Variants in ACACB observed in about 807,000 individuals in gnomAD.
ACACB encodes acetyl-CoA carboxylase beta.
Under a neutral mutation model 278.8 loss-of-function variants are expected in ACACB, and 209 were observed. The observed-to-expected ratio is 0.75, with a 90% CI of 0.67 to 0.84. The LOEUF is 0.84. Ranked by LOEUF, ACACB falls within the 40% of genes least tolerant of loss-of-function variation. ACACB has a pLI of 0.00. For synonymous variants in ACACB, 1,174 were observed against 1,285.6 expected, an observed-to-expected ratio of 0.91 and a Z score of 1.86; for missense variants, 2,850 against 3,269.0, an observed-to-expected ratio of 0.87 and a Z score of 3.13.
At chr12:109,228,328 TC>T (rs1455622649) in intron 28 of ACACB, among the ~76,000 whole-genome samples, 4 of 141,388 alleles carry the variant, frequency 2.8e-5, no homozygotes, top group African/African-American at 8.0e-5. Flanking sequence ...AGAGCAAGAG[TC>T]CATCTCAAAA....
At chr12:109,119,776 T>C (rs2042496826) in intron 1 of ACACB, among the ~76,000 whole-genome samples, 1 of 151,382 alleles carries the variant, frequency 6.6e-6, no homozygotes, top group Non-Finnish European at 1.5e-5. Context: ...GCGCCTGTAA[T>C]CCCAGCTACC....
In ACACB at chr12:109,222,898, C is replaced by T. The variant is rs1229048378; in HGVS notation, c.3778C>T (p.Pro1260Ser). Residue 1260 changes from proline (P) to serine (S), a missense_variant, in exon 26 of 53, where the codon CCC becomes TCC. By Grantham distance (74) the Pro-to-Ser change is moderately conservative. Transcript: ENST00000338432. ...AIDMYGHQFCPENLKKLILSE... is the reference protein window; with the variant it reads ...AIDMYGHQFCSENLKKLILSE... Reference sequence around the variant, plus strand: ...TGACATGTACGGCCACCAGTTCTGCCCCGAGAACCTCAAGGTGAGCCCGTC... The same window carrying T: ...TGACATGTACGGCCACCAGTTCTGCTCCGAGAACCTCAAGGTGAGCCCGTC... 2 of 1,610,602 alleles carry T rather than the reference C, an allele frequency of 1.2e-6. No individual in the cohort carries two copies. The highest frequency in any genetic ancestry group is 1.7e-6 in the Non-Finnish European group (2 of 1,178,348).
chr12:109,194,183 T>TG (rs1555218077), intron 16 of ACACB, among the ~76,000 whole-genome samples: 4 of 139,808 alleles, frequency 2.9e-5, no homozygotes, highest in Non-Finnish European at 4.5e-5. Context: ...GTCTCTGTTT[T>TG]TTTTTTTTGT....
rs763021681 is a variant in ACACB, at chr12:109,264,243, C to CGAGA, written c.6799_6800insGAGA (p.Leu2267ArgfsTer37). ...CTGCTCACCTGCAGGGGAACCTGAT[C>CGAGA]TCTCCGACAAGGACCGAAAGGACCT... On this transcript the variant is annotated frameshift_variant, in exon 50 of 53. Coordinates refer to ENST00000338432, the MANE Select transcript of ACACB (RefSeq NM_001093.4). LOFTEE classifies it high-confidence loss of function. 3.1e-6 allele frequency: 5 copies of CGAGA among 1,613,988 alleles called. 1 individual carries two copies. The South Asian group carries it at 5.5e-5, about 18-fold the overall frequency.
intron 49 of ACACB, 42 bp downstream of exon 49, chr12:109,262,511 AGGCCCAGCT>A: frequency 7.1e-7 from 1 of 1,404,904 alleles, no homozygotes; most frequent in Non-Finnish European, 1.0e-6. Flanking sequence ...AGGTCAAGAG[AGGCCCAGCT>A]GGCCCACTGC....
Position 109,237,200 on chromosome 12 carries a change from T to G in ACACB, c.4482T>G (p.Pro1494=). 6.2e-7 allele frequency: 1 copy of G among 1,614,188 alleles called. No homozygotes were observed. The highest frequency in any genetic ancestry group is 8.5e-7 in the Non-Finnish European group (1 of 1,180,042). ...ATCGCATTTACCGTCACTTGGAACC[T>G]GCCCTGGCCTTCCAGCTGGAACTTA... ...AEDRIYRHLE[P]ALAFQLELNR... The change falls in exon 34 of 53, where the codon CCT becomes CCG. Residue 1494 remains proline (P), a synonymous_variant. Transcript: ENST00000338432.
rs767201686 is a variant in ACACB at position 109,227,235 on chromosome 12, C to T, written c.3883-136C>T. 157 of 758,956 alleles carry T rather than the reference C, an allele frequency of 2.1e-4. 1 individual carries two copies. The highest frequency in any genetic ancestry group is 3.2e-4 in the Non-Finnish European group (151 of 468,084). The allele number at this position is 758,956 out of a possible 1,614,324, so 47.0% of individuals were successfully genotyped here. On this transcript the variant is annotated intron_variant, in intron 27 of 52. Transcript: ENST00000338432. ...CAAAATGCTGGATTGCAGGCCTGAG[C>T]CACTGCACCCGGCCTGCTTACAGAT...
At position 109,176,220 on chromosome 12, in the gene ACACB, G is replaced by A. The variant is rs146160862; in HGVS notation, c.1394G>A (p.Arg465Gln). Residue 465 changes from arginine to glutamine, a missense_variant, in exon 9 of 53, where the codon CGG becomes CAG. Transcript: ENST00000338432. ...GAAGGTGGCGGAGGGAAGGGAATCCGGAAGGCTGAGAGTGCGGAGGACTTC... is the reference window on the plus strand; with the variant it reads ...GAAGGTGGCGGAGGGAAGGGAATCCAGAAGGCTGAGAGTGCGGAGGACTTC... The part of the protein sequence containing the change: ...ASEGGGGKGI[R>Q]KAESAEDFPI... 2.7e-5 allele frequency: 44 copies of A among 1,614,072 alleles called. No individual in the cohort carries two copies. In the African/African-American group the frequency reaches 4.7e-4, roughly 17 times the overall value.
At chr12:109,125,982 C>A (rs375908933) in intron 1 of ACACB, among the ~76,000 whole-genome samples, 4 of 152,166 alleles carry the variant, frequency 2.6e-5, no homozygotes, top group African/African-American at 9.7e-5. Flanking sequence ...AGATCATAAA[C>A]CCACGAGGGC....
In ACACB at chr12:109,201,492, G is replaced by A. The variant is rs202222336; in HGVS notation, c.2779-75G>A. 537 of 1,572,020 alleles carry A rather than the reference G, an allele frequency of 3.4e-4. 1 individual carries two copies. Among genetic ancestry groups the A allele is most frequent in the Admixed American group, 1.9e-4 (11 of 58,116 alleles). On this transcript the variant is annotated intron_variant, in intron 18 of 52. Coordinates refer to ENST00000338432, the MANE Select transcript of ACACB (RefSeq NM_001093.4). ...TAGTGTCCCGGCGCGTCCCTGCTCC[G>A]GCATCACTAGTTCTGGGTGGCTCTG...
At chr12:109,216,744 G>C in intron 23 of ACACB, 38 bp downstream of exon 23, 1 of 1,614,098 alleles carries the variant, frequency 6.2e-7, no homozygotes. Context: ...GGGATGGTGG[G>C]GGGCGTGAGG....
chr12:109,239,742 C>G, intron 34 of ACACB, 88 bp from the exon 35 acceptor site: 1 of 1,413,366 alleles, frequency 7.1e-7, no homozygotes, highest in South Asian at 1.5e-5. Flanking sequence ...TTCCTCCTGT[C>G]TCTGCCTCTT....
chr12:109,125,239 G>A (rs59693352), intron 1 of ACACB: 2 of 151,950 alleles, frequency 1.3e-5, no homozygotes, highest in Admixed American at 1.3e-4. Flanking sequence ...AAGATATTTT[G>A]ATGTGTTTCA....
intron 19 of ACACB, among the ~76,000 whole-genome samples, chr12:109,203,752 T>G (rs1399763127): frequency 6.6e-6 from 1 of 152,170 alleles, no homozygotes; most frequent in Non-Finnish European, 1.5e-5. Flanking sequence ...CCAATTTAGA[T>G]TCCTCTTAAT....
chr12:109,229,223 G>A (rs952620887), intron 28 of ACACB, among the ~76,000 whole-genome samples: 5 of 152,138 alleles, frequency 3.3e-5, no homozygotes, highest in South Asian at 4.1e-4. Flanking sequence ...GATTACAGGC[G>A]TGAGCCACCG....
intron 24 of ACACB, among the ~76,000 whole-genome samples, chr12:109,219,644 T>C (rs1179009893): frequency 2.6e-5 from 4 of 152,238 alleles, no homozygotes; most frequent in African/African-American, 9.6e-5. Flanking sequence ...TGTCTGCAAC[T>C]GACTTTCAGA....
chr12:109,201,458 G>C (rs542239540), intron 18 of ACACB, 109 bp from the exon 19 acceptor site: 3 of 1,318,520 alleles, frequency 2.3e-6, no homozygotes, highest in Non-Finnish European at 3.2e-6. Flanking sequence ...ATTCTGGCGC[G>C]TCCCTGGGTA....
chr12:109,157,272 G>GTTATTATTATTATTATTATTA lies in ACACB; in HGVS notation c.654-9582_654-9562dup, dbSNP rs71079530. Among the ~76,000 whole-genome samples the GTTATTATTATTATTATTATTA allele has an allele frequency of 7.3e-3, 1,044 of 143,170 alleles. 18 individuals carry two copies. The highest frequency in any genetic ancestry group is 0.019 in the Admixed American group (270 of 14,238). 93.9% of individuals were successfully genotyped at this position (143,170 alleles called of 152,430 possible). On this transcript the variant is annotated intron_variant, in intron 2 of 52. Transcript: ENST00000338432. ...AGCCCTCATAGGCCTTTCTAGAGTT[G>GTTATTATTATTATTATTATTA]TTATTATTATTATTATTATTATTAT...
At chr12:109,144,159 A>G (rs1166142858) in intron 2 of ACACB, among the ~76,000 whole-genome samples, 1 of 152,074 alleles carries the variant, frequency 6.6e-6, no homozygotes, top group Non-Finnish European at 1.5e-5. Context: ...TTAAACTACA[A>G]AAAATTAGCC....
Sources: gnomAD v4.1 joint callset for allele counts (sites outside exome capture counted in the v4.1 genomes callset) on GRCh38, gnomAD v4.1.1 for gene constraint, MANE v1.5 for transcripts, NCBI Gene and HGNC (gene_info 2026-07-23, HGNC 2026-07-21) for gene names.